Variants in MTTP observed in about 807,000 individuals in gnomAD.
MTTP encodes microsomal triglyceride transfer protein, also known as microsomal triglyceride transfer protein large subunit.
Under a neutral mutation model 90.6 loss-of-function variants are expected in MTTP, and 49 were observed. The ratio of observed to expected loss-of-function variants is 0.54; its 90% CI spans 0.43 to 0.69. The LOEUF (loss-of-function observed/expected upper bound fraction) is 0.69. Among genes scored for constraint, MTTP ranks in the 30% least tolerant of loss-of-function variants. The pLI is 0.00. For synonymous variants in MTTP, 347 were observed against 384.2 expected (o/e 0.90, Z 1.13); for missense variants, 945 against 1,067.5 (o/e 0.89, Z 1.60).
chr4:99,598,074 G>A (rs1446678484), intron 8 of MTTP, among the ~76,000 whole-genome samples: 1 of 152,096 alleles, frequency 6.6e-6, no homozygotes, highest in African/African-American at 2.4e-5. Context: ...GAAAATTGCA[G>A]CTTTTTTCTG....
At chr4:99,592,654 C>T (rs945332024) in intron 6 of MTTP, among the ~76,000 whole-genome samples, 6 of 152,080 alleles carry the variant, frequency 3.9e-5, no homozygotes, top group Non-Finnish European at 7.3e-5. Context: ...CTTACAACCT[C>T]CAAATGTTGT....
At chr4:99,575,330 TA>T (rs1450508081) in intron 1 of MTTP, among the ~76,000 whole-genome samples, 3 of 152,184 alleles carry the variant, frequency 2.0e-5, no homozygotes, top group African/African-American at 7.2e-5. Flanking sequence ...ATTTGAATTG[TA>T]AATGAGGATT....
intron 14 of MTTP, among the ~76,000 whole-genome samples, chr4:99,612,140 T>C (rs529727366): frequency 1.3e-5 from 2 of 152,338 alleles, no homozygotes; most frequent in African/African-American, 4.8e-5. Context: ...TCCAATGCTA[T>C]AAAAACTTGA....
chr4:99,566,513 A>T (rs1253811445), intron 1 of MTTP, among the ~76,000 whole-genome samples: 1 of 152,140 alleles, frequency 6.6e-6, no homozygotes, highest in Non-Finnish European at 1.5e-5. Flanking sequence ...GAAGGTAGCA[A>T]ATGAGAGAAG....
intron 15 of MTTP, among the ~76,000 whole-genome samples, chr4:99,617,851 T>G (rs115082171): frequency 1.0e-3 from 154 of 152,306 alleles, no homozygotes; most frequent in African/African-American, 3.6e-3. Flanking sequence ...TACTATTGAG[T>G]TCATGTTGAA....
chr4:99,601,557 G>A, intron 9 of MTTP, 50 bp from the exon 10 acceptor site: 1 of 1,298,078 alleles, frequency 7.7e-7, no homozygotes, highest in Non-Finnish European at 1.1e-6. Flanking sequence ...GTGTTCCTTG[G>A]AAATATTTAA....
At chr4:99,612,326 G>T (rs926712786) in intron 14 of MTTP, among the ~76,000 whole-genome samples, 17 of 151,020 alleles carry the variant, frequency 1.1e-4, no homozygotes, top group African/African-American at 4.1e-4. Context: ...CCTATTTGTT[G>T]TGGAAATAAG....
chr4:99,603,192 G>C (rs942901573), intron 10 of MTTP, among the ~76,000 whole-genome samples: 1 of 152,084 alleles, frequency 6.6e-6, no homozygotes, highest in South Asian at 2.1e-4. Flanking sequence ...TGTGGGGTTG[G>C]AACATAAAAT....
At position 99,621,167 on chromosome 4, in the gene MTTP, G is replaced by A. The variant is rs776981317; in HGVS notation, c.2449G>A (p.Val817Met). 2 of 1,614,076 alleles carry A rather than the reference G, an allele frequency of 1.2e-6. No individual in the cohort carries two copies. The highest frequency in any genetic ancestry group is 2.2e-5 in the South Asian group (2 of 91,082). Reference protein sequence around the residue: ...TEAGLEFISTVQFSQYPFLVC... With the variant: ...TEAGLEFISTMQFSQYPFLVC... ...AGCAGGCTTGGAGTTTATCTCCACA[G>A]TGCAGTTTTCTCAGTACCCATTCTT... The change falls in exon 17 of 18, where the codon GTG (valine) becomes ATG (methionine). Residue 817 changes from valine to methionine, a missense_variant. Physicochemically the swap from Val to Met is conservative, Grantham distance 21. Transcript: ENST00000265517.
intron 12 of MTTP, 48 bp from the exon 13 acceptor site, chr4:99,611,095 C>T (rs532360832): frequency 2.6e-6 from 4 of 1,559,630 alleles, no homozygotes; most frequent in Non-Finnish European, 2.7e-6. Context: ...ACTTGGGAAA[C>T]AGTCATTACA....
chr4:99,613,094 C>T lies in MTTP; in HGVS notation c.2171C>T (p.Pro724Leu). ...MSKMLSASGD[P>L]ISVVKGLILL... ...AAAATGCTGTCAGCATCTGGCGACC[C>T]TATCAGTGTGGTGAAAGGACTTATT... Residue 724 changes from proline (P) to leucine (L), a missense_variant, in exon 15 of 18, where the codon CCT becomes CTT. By Grantham distance (98) the Pro-to-Leu change is moderately conservative. Transcript: ENST00000265517. The T allele has an allele frequency of 6.2e-7, 1 of 1,613,984 alleles. No homozygotes were observed. The highest frequency in any genetic ancestry group is 8.5e-7 in the Non-Finnish European group (1 of 1,179,940).
At chr4:99,578,804 G>T (rs763917611) in intron 1 of MTTP, among the ~76,000 whole-genome samples, 7 of 152,154 alleles carry the variant, frequency 4.6e-5, no homozygotes, top group Non-Finnish European at 7.4e-5. Context: ...TGCTATGTTG[G>T]GTTGAACTTG....
Position 99,608,986 on chromosome 4 carries a change from C to T in MTTP, c.1769+9C>T, listed in dbSNP as rs34734558. On this transcript the variant is annotated intron_variant, in intron 12 of 17. Coordinates refer to ENST00000265517, the MANE Select transcript of MTTP (RefSeq NM_001386140.1). ...TTTGAAATGCCTGCAAGGTATAATA[C>T]ATTGCACATGTCTCTCTGTGTATTC... is the stretch of plus-strand genomic sequence containing the variant. The T allele has an allele frequency of 0.045, 72,518 of 1,606,666 alleles. 2,323 individuals are homozygous for T. The highest frequency in any genetic ancestry group is 0.16 in the African/African-American group (11,725 of 74,830).
intron 8 of MTTP, among the ~76,000 whole-genome samples, chr4:99,598,496 A>T (rs1230865296): frequency 1.3e-5 from 2 of 152,116 alleles, no homozygotes; most frequent in African/African-American, 4.8e-5. Flanking sequence ...GGACTGCATG[A>T]TGTATTTTCT....
chr4:99,605,865 A>ATGTGTGTGTGTG (rs1315844209), intron 10 of MTTP, among the ~76,000 whole-genome samples: 1 of 65,300 alleles, frequency 1.5e-5, no homozygotes, highest in African/African-American at 1.5e-4. Context: ...CCCCAACCCC[A>ATGTGTGTGTGTG]TGTATGTGTG....
At chr4:99,603,761 G>A (rs1004666017) in intron 10 of MTTP, among the ~76,000 whole-genome samples, 1 of 152,104 alleles carries the variant, frequency 6.6e-6, no homozygotes, top group African/African-American at 2.4e-5. Flanking sequence ...ACAGGCAGGT[G>A]TCCACATTCA....
chr4:99,621,014 T>C (rs2110238201), intron 16 of MTTP, 47 bp from the exon 17 acceptor site: 2 of 1,567,044 alleles, frequency 1.3e-6, no homozygotes, highest in East Asian at 2.3e-5. Context: ...TCCAATACCA[T>C]TAAATATAAT....
chr4:99,621,366 G>T, intron 17 of MTTP, 135 bp downstream of exon 17: 5 of 1,173,070 alleles, frequency 4.3e-6, no homozygotes, highest in Non-Finnish European at 6.2e-6. Flanking sequence ...TTCTTTAAAT[G>T]AGTAGAAGAA....
intron 1 of MTTP, among the ~76,000 whole-genome samples, chr4:99,566,452 C>G (rs1011761617): frequency 1.3e-5 from 2 of 152,032 alleles, no homozygotes; most frequent in Non-Finnish European, 2.9e-5. Context: ...AGGTTGGACT[C>G]AAAGAGATAC....
Sources: allele counts gnomAD v4.1 joint callset (sites outside exome capture counted in the v4.1 genomes callset), GRCh38; gene constraint gnomAD v4.1.1; transcripts MANE v1.5; gene names NCBI Gene and HGNC (gene_info 2026-07-23, HGNC 2026-07-21).